The following ITGB5 variants were observed in gnomAD, a reference collection of about 807,000 sequenced individuals.
ITGB5 encodes the protein integrin beta-5.
In ITGB5, 38 loss-of-function variants were observed where a neutral mutation model predicts 84.8. The observed-to-expected ratio is 0.45, with a 90% confidence interval of 0.35 to 0.59. The LOEUF (loss-of-function observed/expected upper bound fraction) is 0.59, where lower values mean the gene tolerates loss of function less well. ITGB5 is among the 20% of genes least tolerant of loss of function. The probability of loss-of-function intolerance (pLI) is 0.01; values close to 1 mark genes in which losing one functional copy is unlikely to be tolerated. For missense variants in ITGB5, 905 were observed against 1,034.5 expected (o/e 0.87, Z 1.72); for synonymous variants, 393 against 414.4 (o/e 0.95, Z 0.63).
chr3:124,785,198 A>AG (rs1432785259), intron 10 of ITGB5, among the ~76,000 whole-genome samples: 2 of 152,202 alleles, frequency 1.3e-5, no homozygotes, highest in Non-Finnish European at 2.9e-5. Flanking sequence ...GGGCAGGGTG[A>AG]GTGACAGCAC....
chr3:124,900,270 C>A (rs1559993721), intron 1 of ITGB5, among the ~76,000 whole-genome samples: 1 of 152,188 alleles, frequency 6.6e-6, no homozygotes, highest in African/African-American at 2.4e-5. Flanking sequence ...TAGTTACTTG[C>A]CTCTATTTCC....
chr3:124,785,103 G>A (rs1198297112), intron 10 of ITGB5, among the ~76,000 whole-genome samples: 2 of 152,198 alleles, frequency 1.3e-5, no homozygotes, highest in Admixed American at 6.5e-5. Flanking sequence ...GGAGGTAGAC[G>A]TTGTTTGGGT....
intron 10 of ITGB5, among the ~76,000 whole-genome samples, chr3:124,785,580 A>T (rs1325223002): frequency 7.4e-6 from 1 of 134,510 alleles, no homozygotes; most frequent in Non-Finnish European, 1.6e-5. Context: ...ACGAGACTCC[A>T]TCTCAAAAAA....
chr3:124,766,863 G>C (rs573967522), intron 12 of ITGB5, among the ~76,000 whole-genome samples: 2 of 152,304 alleles, frequency 1.3e-5, no homozygotes, highest in East Asian at 3.9e-4. Flanking sequence ...CTGGGTGAGA[G>C]GCTGGTGCCC....
chr3:124,766,202 C>G, intron 13 of ITGB5, 24 bp downstream of exon 13: 2 of 1,608,672 alleles, frequency 1.2e-6, no homozygotes, highest in Non-Finnish European at 1.7e-6. Context: ...CTGAGTGGGC[C>G]GAGCCCTTGC....
intron 13 of ITGB5, among the ~76,000 whole-genome samples, 200 bp from the exon 14 acceptor site, chr3:124,764,757 C>T (rs972269420): frequency 6.6e-6 from 1 of 152,240 alleles, no homozygotes; most frequent in African/African-American, 2.4e-5. Flanking sequence ...TAAAGTCACA[C>T]AGCAAGTGTG....
intron 2 of ITGB5, among the ~76,000 whole-genome samples, chr3:124,870,088 A>C (rs1305124229): frequency 1.3e-5 from 2 of 152,194 alleles, no homozygotes; most frequent in Non-Finnish European, 2.9e-5. Flanking sequence ...AGAGTAAATC[A>C]CAGCAAAACT....
chr3:124,858,564 G>A (rs79017939), intron 3 of ITGB5, among the ~76,000 whole-genome samples: 3,560 of 152,210 alleles, frequency 0.023, 129 homozygotes, highest in African/African-American at 0.081. Flanking sequence ...AGCCAAAAAA[G>A]GAATGAAGTG....
At chr3:124,851,680 A>G (rs1054986797) in intron 3 of ITGB5, among the ~76,000 whole-genome samples, 1 of 151,982 alleles carries the variant, frequency 6.6e-6, no homozygotes, top group Admixed American at 6.6e-5. Flanking sequence ...GCAGTTGTTA[A>G]AAAGAAATAG....
chr3:124,873,427 C>T lies in ITGB5; in HGVS notation c.156+19G>A. ...CGCAGCATTCCTTCCCTTCTTCCTCCCCTCCCCCACCTACATACCTCTTTG... is the reference window on the plus strand; with the variant it reads ...CGCAGCATTCCTTCCCTTCTTCCTCTCCTCCCCCACCTACATACCTCTTTG... On this transcript the variant is annotated intron_variant, in intron 2 of 14. Transcript: ENST00000296181. 1 of 1,570,826 alleles carries T rather than the reference C, an allele frequency of 6.4e-7. No individual in the cohort carries two copies. The highest frequency in any genetic ancestry group is 8.8e-7 in the Non-Finnish European group (1 of 1,140,540).
chr3:124,848,661 A>C, intron 3 of ITGB5, 103 bp from the exon 4 acceptor site: 1 of 1,295,970 alleles, frequency 7.7e-7, no homozygotes, highest in Non-Finnish European at 1.1e-6. Context: ...ACTTTTCTTT[A>C]GTGATTGTGT....
At chr3:124,849,973 G>C (rs2065129330) in intron 3 of ITGB5, among the ~76,000 whole-genome samples, 1 of 152,062 alleles carries the variant, frequency 6.6e-6, no homozygotes, top group South Asian at 2.1e-4. Context: ...ACACATACTT[G>C]AAATTTGGAT....
At chr3:124,817,502 G>C (rs548010365) in intron 8 of ITGB5, 119 bp downstream of exon 8, 2 of 584,132 alleles carry the variant, frequency 3.4e-6, no homozygotes, top group African/African-American at 2.0e-5. Context: ...AGGGGATGGG[G>C]GAGCAGAGCC....
At chr3:124,844,729 A>ATG (rs2065055758) in intron 4 of ITGB5, among the ~76,000 whole-genome samples, 2 of 152,218 alleles carry the variant, frequency 1.3e-5, no homozygotes, top group African/African-American at 4.8e-5. Context: ...ATAAAGCCGA[A>ATG]CAGCACAATG....
intron 9 of ITGB5, among the ~76,000 whole-genome samples, chr3:124,806,823 G>C (rs1048496332): frequency 6.6e-6 from 1 of 150,474 alleles, no homozygotes; most frequent in African/African-American, 2.5e-5. Context: ...TCTGGATTGA[G>C]CAATCATTAT....
chr3:124,863,256 C>G (rs1180002802), intron 2 of ITGB5: 1 of 152,216 alleles, frequency 6.6e-6, no homozygotes, highest in African/African-American at 2.4e-5. Flanking sequence ...TCTGAAGAAG[C>G]TTTTGAGGGT....
chr3:124,878,279 G>A lies in ITGB5; in HGVS notation c.71-4748C>T, dbSNP rs146851952. ...CCTCAATTCTGATGCAGATCAGACT[G>A]AGCTCTGGTCTTCTGGTCCACCAGC... On this transcript the variant is annotated intron_variant, in intron 1 of 14. Coordinates refer to ENST00000296181, the MANE Select transcript of ITGB5 (RefSeq NM_002213.5). Among the ~76,000 whole-genome samples, 33 of 152,298 alleles carry A rather than the reference G, an allele frequency of 2.2e-4. No homozygotes were observed. In the East Asian group the frequency reaches 4.8e-3, roughly 22 times the overall value.
chr3:124,829,042 T>C (rs531386587), intron 5 of ITGB5, among the ~76,000 whole-genome samples: 2 of 152,336 alleles, frequency 1.3e-5, no homozygotes, highest in East Asian at 1.9e-4. Context: ...ATGGGATCAA[T>C]AGTAATTAAT....
At chr3:124,813,620 G>A (rs1486147243) in intron 8 of ITGB5, among the ~76,000 whole-genome samples, 2 of 152,198 alleles carry the variant, frequency 1.3e-5, no homozygotes, top group African/African-American at 2.4e-5. Flanking sequence ...ATGAATAAGA[G>A]ATAAAGGCTG....
Sources: gnomAD v4.1 joint callset for allele counts (sites outside exome capture counted in the v4.1 genomes callset) on GRCh38, gnomAD v4.1.1 for gene constraint, MANE v1.5 for transcripts, NCBI Gene and HGNC (gene_info 2026-07-23, HGNC 2026-07-21) for gene names.